Variants in TYR observed in about 807,000 individuals in gnomAD.
The protein encoded by TYR is LB24-AB.
A neutral mutation model predicts 51.5 loss-of-function variants in TYR; 58 were observed. The observed-to-expected ratio is 1.13, with a 90% CI of 0.91 to 1.40. The LOEUF is 1.40. Ranked by LOEUF, TYR falls within the 40% of genes most tolerant of loss-of-function variation. The pLI is 0.00. For missense variants in TYR, 732 were observed against 647.4 expected (o/e 1.13, Z -1.42); for synonymous variants, 263 against 235.2 (o/e 1.12, Z -1.08).
At chr11:89,265,134 C>CA (rs554444983) in intron 3 of TYR, among the ~76,000 whole-genome samples, 3 of 151,956 alleles carry the variant, frequency 2.0e-5, no homozygotes, top group Admixed American at 2.0e-4. Flanking sequence ...GGCACAACAA[C>CA]AAAAAATGAT....
chr11:89,203,260 A>G (rs1429261361), intron 2 of TYR, among the ~76,000 whole-genome samples: 1 of 152,160 alleles, frequency 6.6e-6, no homozygotes, highest in Non-Finnish European at 1.5e-5. Context: ...AGTTAAGTCT[A>G]CTATTCCAAA....
At chr11:89,188,841 G>T (rs368062414) in intron 1 of TYR, among the ~76,000 whole-genome samples, 22 of 152,098 alleles carry the variant, frequency 1.4e-4, no homozygotes, top group Middle Eastern at 3.4e-3. Flanking sequence ...TTTGGGAAGG[G>T]CAAAGAGGCC....
At chr11:89,196,149 A>G (rs893186723) in intron 2 of TYR, among the ~76,000 whole-genome samples, 4 of 152,218 alleles carry the variant, frequency 2.6e-5, no homozygotes, top group African/African-American at 7.2e-5. Context: ...AGGGCACAAC[A>G]GTATTGTGTT....
intron 2 of TYR, among the ~76,000 whole-genome samples, chr11:89,210,390 GTAAGAAATA>G (rs1943737775): frequency 2.3e-5 from 1 of 43,342 alleles, no homozygotes; most frequent in South Asian, 4.1e-4. Flanking sequence ...ATGAAATAAA[GTAAGAAATA>G]AAGTAAGAAG....
intron 2 of TYR, among the ~76,000 whole-genome samples, chr11:89,207,732 G>C (rs1439201089): frequency 6.6e-6 from 1 of 152,086 alleles, no homozygotes; most frequent in Non-Finnish European, 1.5e-5. Flanking sequence ...TAATTCAGCT[G>C]CATATAAAAA....
Position 89,231,459 on chromosome 11 carries a change from C to T in TYR, c.1184+3489C>T, listed in dbSNP as rs1040116823. Among the ~76,000 whole-genome samples the T allele has an allele frequency of 1.3e-4, 18 of 142,280 alleles. 2 individuals carry two copies. The highest frequency in any genetic ancestry group is 2.0e-4 in the Non-Finnish European group (13 of 66,466). The allele number at this position is 142,280 out of a possible 152,430, so 93.3% of individuals were successfully genotyped here. On this transcript the variant is annotated intron_variant, in intron 3 of 4. Coordinates refer to ENST00000263321, the MANE Select transcript of TYR (RefSeq NM_000372.5). ...ATATACACAATGGAACACTATTCTG[C>T]CATAAAAAAGGAAAACCCTCTCATT...
chr11:89,275,530 T>C lies in TYR; in HGVS notation c.1185-9243T>C, dbSNP rs912128371. ...AATTCTTTGACTCAATTTTTTCTTC[T>C]GTAAAATGGAATCAATAAAATATTA... On this transcript the variant is annotated intron_variant, in intron 3 of 4. Transcript: ENST00000263321. Among the ~76,000 whole-genome samples the C allele has an allele frequency of 1.4e-4, 21 of 152,000 alleles. No homozygotes were observed. The East Asian group carries it at 1.6e-3, about 11-fold the overall frequency.
At chr11:89,281,547 C>G (rs1395276441) in intron 3 of TYR, among the ~76,000 whole-genome samples, 1 of 151,698 alleles carries the variant, frequency 6.6e-6, no homozygotes, top group Non-Finnish European at 1.5e-5. Flanking sequence ...TTCAGTGTTC[C>G]TACCACTTTA....
At chr11:89,230,670 G>A (rs1163998344) in intron 3 of TYR, among the ~76,000 whole-genome samples, 3 of 151,928 alleles carry the variant, frequency 2.0e-5, no homozygotes, top group Non-Finnish European at 4.4e-5. Flanking sequence ...TTAAAAAGTC[G>A]ATTCAATAGT....
In TYR at chr11:89,295,230, G is replaced by A; in HGVS notation, c.1454G>A (p.Gly485Glu). The change falls in exon 5 of 5, where the codon GGG becomes GAG. Residue 485 changes from glycine (G) to glutamate (E), a missense_variant. Physicochemically the swap from Gly to Glu is moderately conservative, Grantham distance 98. Transcript: ENST00000263321. Reference protein sequence around the residue: ...WSWLLGAAMVGAVLTALLAGL... With the variant: ...WSWLLGAAMVEAVLTALLAGL... ...TGGCTCCTTGGGGCGGCGATGGTAG[G>A]GGCCGTCCTCACTGCCCTGCTGGCA... The A allele has an allele frequency of 6.2e-7, 1 of 1,613,984 alleles. No individual in the cohort carries two copies. Among genetic ancestry groups the A allele is most frequent in the Non-Finnish European group, 8.5e-7 (1 of 1,179,866 alleles).
chr11:89,180,904 T>C (rs1329384942), intron 1 of TYR, among the ~76,000 whole-genome samples: 1 of 152,158 alleles, frequency 6.6e-6, no homozygotes. Flanking sequence ...TTGCTTTAAT[T>C]CAGAGTTCTC....
intron 2 of TYR, among the ~76,000 whole-genome samples, chr11:89,223,629 T>C (rs1388499851): frequency 6.6e-6 from 1 of 152,172 alleles, no homozygotes; most frequent in Non-Finnish European, 1.5e-5. Context: ...GTATTTTATA[T>C]TTGTTTATCT....
chr11:89,236,763 C>T (rs1252058727), intron 3 of TYR, among the ~76,000 whole-genome samples: 1 of 152,118 alleles, frequency 6.6e-6, no homozygotes, highest in East Asian at 1.9e-4. Flanking sequence ...ACATTTATTC[C>T]TATTTCTGGG....
chr11:89,283,249 A>G (rs538703213), intron 3 of TYR, among the ~76,000 whole-genome samples: 1 of 151,942 alleles, frequency 6.6e-6, no homozygotes, highest in South Asian at 2.1e-4. Flanking sequence ...AACTTTGACC[A>G]CAAGTAGTGT....
Position 89,245,050 on chromosome 11 carries a change from A to G in TYR, c.1184+17080A>G, listed in dbSNP as rs1263033243. ...CACCTATCACTATGCCTAGCATAAG[A>G]TAGTCAATGAATAGCCGTTTGATAC... On this transcript the variant is annotated intron_variant, in intron 3 of 4. Transcript: ENST00000263321. Among the ~76,000 whole-genome samples the G allele has an allele frequency of 2.0e-5, 3 of 152,238 alleles. No individual in the cohort carries two copies. In the East Asian group the frequency reaches 5.8e-4, roughly 29 times the overall value.
chr11:89,230,921 G>C (rs376467132), intron 3 of TYR, among the ~76,000 whole-genome samples: 1 of 139,936 alleles, frequency 7.1e-6, no homozygotes, highest in Non-Finnish European at 1.5e-5. Flanking sequence ...AAAAAAAAAA[G>C]AGGGACTTTA....
chr11:89,249,952 G>T (rs1944312673), intron 3 of TYR, among the ~76,000 whole-genome samples: 1 of 151,946 alleles, frequency 6.6e-6, no homozygotes, highest in Admixed American at 6.6e-5. Context: ...ATAGAGTATA[G>T]ATGCATGTAT....
chr11:89,247,452 A>G (rs1309150546), intron 3 of TYR, among the ~76,000 whole-genome samples: 1 of 152,248 alleles, frequency 6.6e-6, no homozygotes, highest in Non-Finnish European at 1.5e-5. Flanking sequence ...TGAAGACATC[A>G]TGTACTATAA....
chr11:89,251,021 A>AT (rs201825998), intron 3 of TYR, among the ~76,000 whole-genome samples: 101 of 151,936 alleles, frequency 6.6e-4, no homozygotes, highest in Non-Finnish European at 8.8e-4. Context: ...GTATTTTAGA[A>AT]TTTTTTTTAT....
Sources: allele counts gnomAD v4.1 joint callset (sites outside exome capture counted in the v4.1 genomes callset), GRCh38; gene constraint gnomAD v4.1.1; transcripts MANE v1.5; gene names NCBI Gene and HGNC (gene_info 2026-07-23, HGNC 2026-07-21).